ZDHHC19: variants seen among roughly 807,000 people sequenced by gnomAD.
The protein encoded by ZDHHC19 is zDHHC palmitoyltransferase 19, also known as palmitoyltransferase ZDHHC19.
A neutral mutation model predicts 33.9 loss-of-function variants in ZDHHC19; 30 were observed. That is an observed-to-expected ratio of 0.88 (90% CI 0.66 to 1.20). The LOEUF is 1.20. ZDHHC19 is among the 50% of genes most tolerant of loss of function. The probability of loss-of-function intolerance (pLI) is 0.00; values close to 1 mark genes in which losing one functional copy is unlikely to be tolerated. For missense variants in ZDHHC19, 364 were observed against 401.1 expected (o/e 0.91, Z 0.79); for synonymous variants, 178 against 167.6 (o/e 1.06, Z -0.48).
In ZDHHC19 at chr3:196,200,571, G is replaced by C. The variant is rs367700446; in HGVS notation, c.688-1697C>G. Among the ~76,000 whole-genome samples, 97 of 150,038 alleles carry C rather than the reference G, an allele frequency of 6.5e-4. 1 individual carries two copies. In the South Asian group the frequency reaches 8.0e-3, roughly 12 times the overall value. On this transcript the variant is annotated intron_variant, in intron 5 of 7. Coordinates refer to ENST00000296326, the MANE Select transcript of ZDHHC19 (RefSeq NM_001039617.2). ...GGGTTTCACCGTGTTAGCCAGGATGGTCTCGATCTCCTGACCTCGTGATCC... is the reference window on the plus strand; with the variant it reads ...GGGTTTCACCGTGTTAGCCAGGATGCTCTCGATCTCCTGACCTCGTGATCC...
chr3:196,208,618 C>T (rs921961890), intron 3 of ZDHHC19, 58 bp from the exon 4 acceptor site: 4 of 1,573,626 alleles, frequency 2.5e-6, no homozygotes, highest in African/African-American at 2.7e-5. Flanking sequence ...CAAATTCCAT[C>T]ACCCCAAATC....
At position 196,198,388 on chromosome 3, in the gene ZDHHC19, A is replaced by G. The variant is rs2108708277; in HGVS notation, c.837T>C (p.Asn279=). The G allele has an allele frequency of 1.9e-6, 3 of 1,541,658 alleles. No homozygotes were observed. Among genetic ancestry groups the G allele is most frequent in the Admixed American group, 4.0e-5 (2 of 49,716 alleles). The change falls in exon 7 of 8, where the codon AAT becomes AAC. Residue 279 remains asparagine, a synonymous_variant. Transcript: ENST00000296326. Reference sequence around the variant, plus strand: ...CAGAGGGGGACATTGGAGGGTGCAGATTCGGCATGGATGTCCAGTCAGGCC... The same window carrying G: ...CAGAGGGGGACATTGGAGGGTGCAGGTTCGGCATGGATGTCCAGTCAGGCC... ...VVGPDWTSMP[N]LHPPMSPSAL...
chr3:196,198,504 C>T, intron 6 of ZDHHC19, 53 bp from the exon 7 acceptor site: 4 of 1,594,910 alleles, frequency 2.5e-6, no homozygotes, highest in Non-Finnish European at 3.4e-6. Context: ...GGTCCGGCTC[C>T]CCTGCCCGCC....
chr3:196,208,647 C>T (rs1456194218), intron 3 of ZDHHC19, 87 bp from the exon 4 acceptor site: 1 of 1,480,704 alleles, frequency 6.8e-7, no homozygotes, highest in Admixed American at 2.1e-5. Context: ...CTCCCCCTGC[C>T]TTCTAGGCCA....
At chr3:196,207,533 A>AC (rs971163169) in intron 4 of ZDHHC19, 30 bp from the exon 5 acceptor site, 46 of 1,503,752 alleles carry the variant, frequency 3.1e-5, no homozygotes, top group Non-Finnish European at 3.9e-5. Flanking sequence ...GGGCTGCGGG[A>AC]CCCCCACGCC....
At chr3:196,198,151 C>G (rs6779277) in intron 7 of ZDHHC19, 125 bp downstream of exon 7, 761,791 of 963,062 alleles carry the variant, frequency 0.79, 302,685 homozygotes, top group East Asian at 0.95. Flanking sequence ...CCTCCTCCCC[C>G]CAAGCTCGGA....
chr3:196,206,780 A>G (rs987779762), intron 5 of ZDHHC19, among the ~76,000 whole-genome samples: 1 of 146,622 alleles, frequency 6.8e-6, no homozygotes, highest in Non-Finnish European at 1.5e-5. Context: ...TCTCCGGTTC[A>G]CGCCATTCCC....
Position 196,203,300 on chromosome 3 carries a change from T to C in ZDHHC19, c.687+4098A>G, listed in dbSNP as rs1207877098. On this transcript the variant is annotated intron_variant, in intron 5 of 7. Coordinates refer to ENST00000296326, the MANE Select transcript of ZDHHC19 (RefSeq NM_001039617.2). The surrounding 1 kb of genome is among the most constrained non-coding windows in gnomAD (Gnocchi z 4.3). The stretch of plus-strand genomic sequence containing the variant: ...AGAAAGAGAGAGAGAAATTGAACGG[T>C]ATTAATAGTAGCGACATCTAGAGCA... 6.6e-6 allele frequency among the ~76,000 whole-genome samples: 1 copy of C among 151,942 alleles called. No individual in the cohort carries two copies. The highest frequency in any genetic ancestry group is 2.4e-5 in the African/African-American group (1 of 41,356).
rs559980781 is a variant in ZDHHC19, at chr3:196,209,208, G to T, written c.408+168C>A. The T allele has an allele frequency of 1.1e-4, 102 of 925,942 alleles. 1 individual carries two copies. The South Asian group carries it at 1.7e-3, about 15-fold the overall frequency. The allele number at this position is 925,942 out of a possible 1,614,324, so 57.4% of individuals were successfully genotyped here. ...CGGCCAGCCTCCCAGGACAGGTGCA[G>T]GTGGAGAACACATGAGTGACCAAGG... On this transcript the variant is annotated intron_variant, in intron 3 of 7. Coordinates refer to ENST00000296326, the MANE Select transcript of ZDHHC19 (RefSeq NM_001039617.2).
chr3:196,207,250 T>C, intron 5 of ZDHHC19, 148 bp downstream of exon 5: 1 of 629,960 alleles, frequency 1.6e-6, no homozygotes, highest in Non-Finnish European at 2.7e-6. Context: ...GAGGCGAGAT[T>C]GGAGCCTCTT....
At chr3:196,208,241 T>TTC in intron 4 of ZDHHC19, 147 bp downstream of exon 4, 1 of 219,462 alleles carries the variant, frequency 4.6e-6, no homozygotes, top group Non-Finnish European at 9.0e-6. Context: ...GCCCCGCCCA[T>TTC]CCCCCGACCC....
At position 196,204,679 on chromosome 3, in the gene ZDHHC19, C is replaced by T. The variant is rs76404901; in HGVS notation, c.687+2719G>A. Among the ~76,000 whole-genome samples the T allele has an allele frequency of 4.8e-3, 733 of 152,194 alleles. 5 individuals are homozygous for T. Among genetic ancestry groups the T allele is most frequent in the African/African-American group, 0.016 (683 of 41,516 alleles). ...AGATGCCACTACACATGTCTTATAC[C>T]GGCTTAAACAAAAAACAACTGACAA... On this transcript the variant is annotated intron_variant, in intron 5 of 7. Transcript: ENST00000296326.
rs1418570636 is a variant in ZDHHC19, at chr3:196,200,377, T to A, written c.688-1503A>T. 1.1e-4 allele frequency among the ~76,000 whole-genome samples: 15 copies of A among 140,114 alleles called. No individual in the cohort carries two copies. The South Asian group carries it at 2.6e-3, about 25-fold the overall frequency. The allele number at this position is 140,114 out of a possible 152,430, so 91.9% of individuals were successfully genotyped here. The stretch of plus-strand genomic sequence containing the variant: ...ATATATAATTTTTTTTTTTTTGAGA[T>A]GGAGTCTTGCTCTGTCACCCAGGCT... On this transcript the variant is annotated intron_variant, in intron 5 of 7. Coordinates refer to ENST00000296326, the MANE Select transcript of ZDHHC19 (RefSeq NM_001039617.2).
At chr3:196,209,330 G>A (rs771816541) in intron 3 of ZDHHC19, 46 bp downstream of exon 3, 30 of 1,553,884 alleles carry the variant, frequency 1.9e-5, no homozygotes, top group Non-Finnish European at 2.6e-5. Context: ...CCTGGTCCCA[G>A]CCAGATGTGG....
intron 4 of ZDHHC19, among the ~76,000 whole-genome samples, chr3:196,207,880 C>G (rs1257107376): frequency 7.4e-6 from 1 of 135,490 alleles, no homozygotes; most frequent in Non-Finnish European, 1.6e-5. Flanking sequence ...CCCCGCCCGT[C>G]CAGATCTGCG....
At position 196,209,191 on chromosome 3, in the gene ZDHHC19, C is replaced by T. The variant is rs146547845; in HGVS notation, c.408+185G>A. 5.5e-4 allele frequency: 451 copies of T among 823,922 alleles called. No individual in the cohort carries two copies. In the African/African-American group the frequency reaches 6.9e-3, roughly 13 times the overall value. The allele number at this position is 823,922 out of a possible 1,614,324, so 51.0% of individuals were successfully genotyped here. A position where few individuals can be genotyped will look rare whatever the true frequency, so the allele number is the denominator to read the frequency against. On this transcript the variant is annotated intron_variant, in intron 3 of 7. Coordinates refer to ENST00000296326, the MANE Select transcript of ZDHHC19 (RefSeq NM_001039617.2). Reference sequence around the variant, plus strand: ...AGCACCTCTGCAGGCAACGGCCAGCCTCCCAGGACAGGTGCAGGTGGAGAA... The same window carrying T: ...AGCACCTCTGCAGGCAACGGCCAGCTTCCCAGGACAGGTGCAGGTGGAGAA...
At position 196,210,579 on chromosome 3, in the gene ZDHHC19, AG is replaced by A; in HGVS notation, c.268+36del. 3 of 1,613,524 alleles carry A rather than the reference AG, an allele frequency of 1.9e-6. No individual in the cohort carries two copies. In the South Asian group the frequency reaches 3.3e-5, roughly 18 times the overall value. On this transcript the variant is annotated intron_variant, in intron 2 of 7. Transcript: ENST00000296326. ...CCCCCCTGCAGGTTCCCAGCCCTTG[AG>A]TGACACCTCCTTTTCCCAGGGGGCT...
At chr3:196,210,490 G>A (rs1723203527) in intron 2 of ZDHHC19, 126 bp downstream of exon 2, 1 of 1,175,000 alleles carries the variant, frequency 8.5e-7, no homozygotes, top group Non-Finnish European at 1.2e-6. Flanking sequence ...CCAGAGCAAT[G>A]AAGACGTGGG....
At position 196,209,499 on chromosome 3, in the gene ZDHHC19, G is replaced by T; in HGVS notation, c.285C>A (p.Gly95=). ...GILHQGSAEQ[G]PLTVHVVWVN... ...CCCACACCACGTGCACCGTCAAGGG[G>T]CCCTGCTCAGCGGAGCCTGGCGTGG... is the stretch of plus-strand genomic sequence containing the variant. The change falls in exon 3 of 8, where the codon GGC becomes GGA. Residue 95 remains glycine, a synonymous_variant. Transcript: ENST00000296326. 1 of 1,612,922 alleles carries T rather than the reference G, an allele frequency of 6.2e-7. No homozygotes were observed. Among genetic ancestry groups the T allele is most frequent in the Non-Finnish European group, 8.5e-7 (1 of 1,179,768 alleles).
Sources: allele counts gnomAD v4.1 joint callset (sites outside exome capture counted in the v4.1 genomes callset), GRCh38; gene constraint gnomAD v4.1.1; non-coding constraint Gnocchi (gnomAD v3.1); transcripts MANE v1.5; gene names NCBI Gene and HGNC (gene_info 2026-07-23, HGNC 2026-07-21).